Variants in PHLPP1 observed in about 807,000 individuals in gnomAD.
PHLPP1 encodes the protein PH domain leucine-rich repeat-containing protein phosphatase 1.
Under a neutral mutation model 117.2 loss-of-function variants are expected in PHLPP1, and 42 were observed. The observed-to-expected ratio is 0.36, with a 90% CI of 0.28 to 0.46. The LOEUF (loss-of-function observed/expected upper bound fraction) is 0.46, where lower values mean the gene tolerates loss of function less well. Among genes scored for constraint, PHLPP1 ranks in the 20% least tolerant of loss-of-function variants. PHLPP1 has a pLI of 1.00. For synonymous variants in PHLPP1, 1,042 were observed against 970.7 expected (o/e 1.07, Z -1.37); for missense variants, 2,084 against 2,241.9 (o/e 0.93, Z 1.42).
intron 4 of PHLPP1, among the ~76,000 whole-genome samples, chr18:62,875,002 T>C (rs1449690325): frequency 2.6e-5 from 4 of 152,260 alleles, no homozygotes; most frequent in Non-Finnish European, 5.9e-5. Context: ...CCACTCAGGC[T>C]GGAGTACAGT....
intron 4 of PHLPP1, among the ~76,000 whole-genome samples, chr18:62,882,946 T>TAAAAAAAA (rs35265223): frequency 3.3e-5 from 4 of 121,496 alleles, no homozygotes; most frequent in Admixed American, 8.6e-5. Flanking sequence ...GACCACATCT[T>TAAAAAAAA]AAAAAAAAAA....
chr18:62,829,038 T>G (rs945356283), intron 1 of PHLPP1, among the ~76,000 whole-genome samples: 1 of 152,198 alleles, frequency 6.6e-6, no homozygotes, highest in Non-Finnish European at 1.5e-5. Flanking sequence ...TCTGCCAAAT[T>G]CGTTTCCATT....
chr18:62,783,217 TC>T (rs1465832015), intron 1 of PHLPP1, among the ~76,000 whole-genome samples: 33 of 149,472 alleles, frequency 2.2e-4, no homozygotes, highest in Non-Finnish European at 4.6e-4. Flanking sequence ...CACAAGCCTT[TC>T]TTTTTTTTTT....
At chr18:62,782,370 T>C (rs903806261) in intron 1 of PHLPP1, among the ~76,000 whole-genome samples, 1 of 152,182 alleles carries the variant, frequency 6.6e-6, no homozygotes, top group African/African-American at 2.4e-5. Flanking sequence ...CAAGATGTAA[T>C]AGTTTAACTC....
chr18:62,735,163 G>C (rs142178730), intron 1 of PHLPP1, among the ~76,000 whole-genome samples: 122 of 151,800 alleles, frequency 8.0e-4, no homozygotes, highest in African/African-American at 2.5e-3. Context: ...TTCCACCTCA[G>C]CCTCCCTAGT....
rs759137631 is a variant in PHLPP1 at position 62,717,220 on chromosome 18, A to C, written c.1537A>C (p.Met513Leu). ...GCTGTGGAGGGTGCAGGAGGAAGGCATGGACTCGGAGATTGGCTGCCTCAT... is the reference window on the plus strand; with the variant it reads ...GCTGTGGAGGGTGCAGGAGGAAGGCCTGGACTCGGAGATTGGCTGCCTCAT... Reference protein sequence around the residue: ...GELWRVQEEGMDSEIGCLIRF... With the variant: ...GELWRVQEEGLDSEIGCLIRF... The change falls in exon 1 of 17, where the codon ATG becomes CTG. Residue 513 changes from methionine to leucine, a missense_variant. Physicochemically the swap from Met to Leu is conservative, Grantham distance 15. Transcript: ENST00000262719. The C allele has an allele frequency of 6.2e-7, 1 of 1,605,222 alleles. No individual in the cohort carries two copies. The highest frequency in any genetic ancestry group is 1.1e-5 in the South Asian group (1 of 90,260).
intron 10 of PHLPP1, among the ~76,000 whole-genome samples, chr18:62,925,755 A>G (rs1033457733): frequency 5.3e-5 from 8 of 152,290 alleles, no homozygotes; most frequent in East Asian, 3.9e-4. Context: ...GTCACAGTGG[A>G]CTAAGATAGT....
In PHLPP1 at chr18:62,979,244, C is replaced by T; in HGVS notation, c.4967C>T (p.Ala1656Val). ...CCTGGAGGCTATTTTGCTGCCCCGGCTCAGCCGGATCCTGATGATCAGTTT... is the reference window on the plus strand; with the variant it reads ...CCTGGAGGCTATTTTGCTGCCCCGGTTCAGCCGGATCCTGATGATCAGTTT... ...RKPGGYFAAP[A>V]QPDPDDQFII... is the part of the protein sequence containing the mutation. Residue 1656 changes from alanine to valine, a missense_variant, in exon 17 of 17, where the codon GCT (alanine) becomes GTT (valine). Around this residue, in one of 2 missense-constraint regions of PHLPP1, gnomAD observed 1,365 missense variants for 1,605.9 expected, o/e 0.85. Transcript: ENST00000262719. 1 of 1,593,394 alleles carries T rather than the reference C, an allele frequency of 6.3e-7. No homozygotes were observed. Among genetic ancestry groups the T allele is most frequent in the South Asian group, 1.1e-5 (1 of 88,130 alleles).
chr18:62,826,449 A>C (rs1441701540), intron 1 of PHLPP1, among the ~76,000 whole-genome samples: 1 of 152,192 alleles, frequency 6.6e-6, no homozygotes, highest in Admixed American at 6.5e-5. Flanking sequence ...ACAGAAATCT[A>C]AGTGATACTA....
chr18:62,895,024 A>G lies in PHLPP1; in HGVS notation c.2080A>G (p.Lys694Glu), dbSNP rs1429389602. Residue 694 changes from lysine (K) to glutamate (E), a missense_variant, in exon 5 of 17, where the codon AAG becomes GAG. Coordinates refer to ENST00000262719, the MANE Select transcript of PHLPP1 (RefSeq NM_194449.4). The stretch of plus-strand genomic sequence containing the variant: ...TTATTGTAATAGGTTCACCAAGTTG[A>G]AGAGTCTTAACCTTTCCAATAATCA... ...LNELQRFTKL[K>E]SLNLSNNHLG... 1.2e-5 allele frequency: 19 copies of G among 1,608,400 alleles called. No individual in the cohort carries two copies. The highest frequency in any genetic ancestry group is 1.4e-5 in the Non-Finnish European group (16 of 1,176,804).
At chr18:62,918,855 A>C (rs557127005) in intron 9 of PHLPP1, among the ~76,000 whole-genome samples, 6 of 145,368 alleles carry the variant, frequency 4.1e-5, no homozygotes, top group African/African-American at 8.2e-5. Flanking sequence ...TCTCATCACA[A>C]AAAAAAAAAG....
chr18:62,929,101 C>CT (rs906329982), intron 10 of PHLPP1, among the ~76,000 whole-genome samples: 11 of 152,188 alleles, frequency 7.2e-5, no homozygotes, highest in African/African-American at 2.6e-4. Flanking sequence ...TAAAAAATCA[C>CT]TAAGTCACAC....
intron 13 of PHLPP1, among the ~76,000 whole-genome samples, chr18:62,960,636 TTA>T (rs1327478029): frequency 1.3e-5 from 2 of 152,210 alleles, no homozygotes; most frequent in Non-Finnish European, 2.9e-5. Context: ...ATGTTCAAAC[TTA>T]TAAGTATATC....
chr18:62,973,716 T>C (rs1911116372), intron 15 of PHLPP1, among the ~76,000 whole-genome samples: 1 of 152,214 alleles, frequency 6.6e-6, no homozygotes, highest in Non-Finnish European at 1.5e-5. Flanking sequence ...AGATTCTCAG[T>C]GAGCATATAC....
intron 1 of PHLPP1, among the ~76,000 whole-genome samples, chr18:62,783,955 C>T (rs1406714429): frequency 6.6e-6 from 1 of 152,210 alleles, no homozygotes; most frequent in East Asian, 1.9e-4. Flanking sequence ...CAAGAAAGGG[C>T]CTAGTGTCTG....
At position 62,978,927 on chromosome 18, in the gene PHLPP1, G is replaced by C; in HGVS notation, c.4650G>C (p.Glu1550Asp). 1 of 1,608,580 alleles carries C rather than the reference G, an allele frequency of 6.2e-7. No individual in the cohort carries two copies. Residue 1550 changes from glutamate to aspartate, a missense_variant, in exon 17 of 17, where the codon GAG becomes GAC. Physicochemically the swap from Glu to Asp is conservative, Grantham distance 45. This residue lies in a region of PHLPP1 where 1,365 missense variants were observed against 1,605.9 expected (regional missense o/e 0.85). Transcript: ENST00000262719. This position sits in a 1 kb window ranked among gnomAD's most constrained non-coding sequence, Gnocchi z 7.0. The part of the protein sequence containing the change: ...FSDNGLDSDD[E>D]EPIEGVFTNG... Reference sequence around the variant, plus strand: ...ACAACGGCCTTGACAGTGACGATGAGGAGCCCATCGAGGGCGTCTTCACCA... The same window carrying C: ...ACAACGGCCTTGACAGTGACGATGACGAGCCCATCGAGGGCGTCTTCACCA...
At chr18:62,933,369 A>T (rs1401441499) in intron 10 of PHLPP1, among the ~76,000 whole-genome samples, 1 of 152,218 alleles carries the variant, frequency 6.6e-6, no homozygotes, top group Non-Finnish European at 1.5e-5. Flanking sequence ...AATATACTGC[A>T]AACACTGTAG....
chr18:62,829,451 G>A (rs1005108145), intron 1 of PHLPP1, among the ~76,000 whole-genome samples: 2 of 152,092 alleles, frequency 1.3e-5, no homozygotes, highest in Non-Finnish European at 2.9e-5. Context: ...TGAAAGATAG[G>A]CAAGAAAATA....
At chr18:62,888,406 A>G (rs1348952725) in intron 4 of PHLPP1, among the ~76,000 whole-genome samples, 1 of 149,460 alleles carries the variant, frequency 6.7e-6, no homozygotes, top group Non-Finnish European at 1.5e-5. Context: ...TTCATCATTT[A>G]TCTGGCTTAC....
Sources: allele counts gnomAD v4.1 joint callset (sites outside exome capture counted in the v4.1 genomes callset), GRCh38; gene constraint gnomAD v4.1.1; regional missense constraint gnomAD v4.1.1; non-coding constraint Gnocchi (gnomAD v3.1); transcripts MANE v1.5; gene names NCBI Gene and HGNC (gene_info 2026-07-23, HGNC 2026-07-21).